ZFHX3: variants seen among roughly 807,000 people sequenced by gnomAD.
ZFHX3 encodes the protein zinc finger homeobox 3.
A neutral mutation model predicts 279.1 loss-of-function variants in ZFHX3; 42 were observed. The ratio of observed to expected loss-of-function variants is 0.15; its 90% CI spans 0.12 to 0.19. ZFHX3 has a LOEUF of 0.19. ZFHX3 is among the 10% of genes least tolerant of loss of function. The pLI is 1.00. For missense variants in ZFHX3, 4,981 were observed against 4,754.0 expected (o/e 1.05, Z -1.40); for synonymous variants, 2,293 against 1,957.8 (o/e 1.17, Z -4.52).
At chr16:73,851,397 A>C (rs776563873) in intron 1 of ZFHX3, among the ~76,000 whole-genome samples, 3 of 152,340 alleles carry the variant, frequency 2.0e-5, no homozygotes, top group African/African-American at 7.2e-5. Context: ...GACGATTGTC[A>C]TACTATTTCC....
intron 1 of ZFHX3, among the ~76,000 whole-genome samples, chr16:73,041,248 T>C (rs113598093): frequency 2.5e-4 from 38 of 152,262 alleles, no homozygotes; most frequent in African/African-American, 8.7e-4. Flanking sequence ...ATTTTTCCAC[T>C]GTCTGGACAA....
Position 73,538,843 on chromosome 16 carries a change from A to G in ZFHX3, c.-1546-82585T>C, listed in dbSNP as rs563777274. Among the ~76,000 whole-genome samples, 4 of 152,338 alleles carry G rather than the reference A, an allele frequency of 2.6e-5. No homozygotes were observed. In the South Asian group the frequency reaches 8.3e-4, roughly 32 times the overall value. ...CAGCACCATTTTCTGCCATCTTTTC[A>G]ATAAACATGTCTTGGATAGGTCAGT... On this transcript the variant is annotated intron_variant, in intron 2 of 17. Transcript: ENST00000641206.
chr16:73,151,146 A>C (rs957416322), intron 5 of ZFHX3, among the ~76,000 whole-genome samples: 21 of 152,352 alleles, frequency 1.4e-4, no homozygotes, highest in Admixed American at 5.9e-4. Flanking sequence ...ATAGAGACAG[A>C]AAATAGATGA....
chr16:73,364,169 C>T (rs2016486799), intron 3 of ZFHX3, among the ~76,000 whole-genome samples: 1 of 75,718 alleles, frequency 1.3e-5, no homozygotes. Context: ...GAGTGAGACC[C>T]TGTTTCAAAA....
intron 2 of ZFHX3, among the ~76,000 whole-genome samples, chr16:73,508,664 C>G (rs878872969): frequency 1.3e-5 from 2 of 152,162 alleles, no homozygotes; most frequent in Non-Finnish European, 2.9e-5. Flanking sequence ...AAGCCATCAT[C>G]AAAAACAGGC....
intron 1 of ZFHX3, among the ~76,000 whole-genome samples, chr16:73,765,384 G>C (rs2053920307): frequency 6.6e-6 from 1 of 152,196 alleles, no homozygotes; most frequent in Non-Finnish European, 1.5e-5. Context: ...TATGAACTTT[G>C]TGAAGCATGC....
chr16:72,889,918 G>A lies in ZFHX3; in HGVS notation c.3261C>T (p.Tyr1087=), dbSNP rs374686853. Reference sequence around the variant, plus strand: ...AGTAGTTGCACAGAACGCAGTGGTAGTAGCAGCTCTCACCTTCTACACCAC... The same window carrying A: ...AGTAGTTGCACAGAACGCAGTGGTAATAGCAGCTCTCACCTTCTACACCAC... ...HESGVEGESC[Y]YHCVLCNYST... is the part of the protein sequence containing the mutation. Residue 1087 remains tyrosine, a synonymous_variant, in exon 4 of 10, where the codon TAC becomes TAT. Coordinates refer to ENST00000268489, the MANE Select transcript of ZFHX3 (RefSeq NM_006885.4). The A allele has an allele frequency of 6.2e-7, 1 of 1,614,168 alleles. No individual in the cohort carries two copies. The highest frequency in any genetic ancestry group is 8.5e-7 in the Non-Finnish European group (1 of 1,180,046).
At chr16:73,718,296 A>G (rs1430431407) in intron 1 of ZFHX3, among the ~76,000 whole-genome samples, 1 of 152,154 alleles carries the variant, frequency 6.6e-6, no homozygotes, top group Admixed American at 6.5e-5. Context: ...CTGTAATCCC[A>G]GCTACTCGGG....
At chr16:73,359,056 A>T (rs1003953646) in intron 3 of ZFHX3, among the ~76,000 whole-genome samples, 30 of 152,338 alleles carry the variant, frequency 2.0e-4, no homozygotes, top group Non-Finnish European at 4.3e-4. Flanking sequence ...TAATTTTTGG[A>T]AATTGAGCAT....
chr16:73,016,294 C>T (rs938800637), intron 1 of ZFHX3, among the ~76,000 whole-genome samples: 3 of 152,054 alleles, frequency 2.0e-5, no homozygotes, highest in South Asian at 2.1e-4. Context: ...TTTTTAAGGT[C>T]GGAGTAACTA....
rs985983584 is a variant in ZFHX3 at position 73,134,763 on chromosome 16, A to G, written c.-1023-3669T>C. On this transcript the variant is annotated intron_variant, in intron 6 of 17. Coordinates refer to the ZFHX3 transcript ENST00000641206. ...ATTATCCTTCTCCCATCTCATCAACATCAGACTTGGCCATGTGACTTGCTT... is the reference window on the plus strand; with the variant it reads ...ATTATCCTTCTCCCATCTCATCAACGTCAGACTTGGCCATGTGACTTGCTT... 7.9e-5 allele frequency among the ~76,000 whole-genome samples: 12 copies of G among 152,136 alleles called. 1 individual carries two copies. The highest frequency in any genetic ancestry group is 2.6e-4 in the Admixed American group (4 of 15,282).
intron 1 of ZFHX3, among the ~76,000 whole-genome samples, chr16:73,756,164 C>A (rs1395468968): frequency 6.6e-6 from 1 of 152,158 alleles, no homozygotes; most frequent in Non-Finnish European, 1.5e-5. Context: ...ACCAGGTATT[C>A]CCAGGTTAAG....
At chr16:73,539,042 T>C (rs1226417912) in intron 2 of ZFHX3, among the ~76,000 whole-genome samples, 1 of 152,204 alleles carries the variant, frequency 6.6e-6, no homozygotes, top group Non-Finnish European at 1.5e-5. Context: ...GAAGATTGTA[T>C]GTAGGGGGAA....
chr16:73,257,801 T>G (rs538460005), intron 4 of ZFHX3, among the ~76,000 whole-genome samples: 1 of 152,358 alleles, frequency 6.6e-6, no homozygotes, highest in East Asian at 1.9e-4. Flanking sequence ...CCTAACAACC[T>G]TACAGGTTGG....
intron 5 of ZFHX3, among the ~76,000 whole-genome samples, chr16:73,180,453 C>G (rs1483568036): frequency 6.6e-6 from 1 of 152,172 alleles, no homozygotes; most frequent in African/African-American, 2.4e-5. Context: ...GCTACAAATA[C>G]AGAAGGGAGG....
intron 4 of ZFHX3, among the ~76,000 whole-genome samples, chr16:72,862,642 T>C (rs975983513): frequency 1.3e-5 from 2 of 152,142 alleles, no homozygotes; most frequent in African/African-American, 4.8e-5. Flanking sequence ...GAAGCAGCCA[T>C]GGAGAAAAAG....
intron 3 of ZFHX3, among the ~76,000 whole-genome samples, chr16:73,390,016 C>T (rs1184332064): frequency 2.0e-5 from 3 of 152,128 alleles, no homozygotes; most frequent in Non-Finnish European, 4.4e-5. Context: ...GCCGAGATTG[C>T]ACCACTGCAC....
intron 1 of ZFHX3, among the ~76,000 whole-genome samples, chr16:73,759,373 A>T (rs2053840938): frequency 6.6e-6 from 1 of 152,150 alleles, no homozygotes; most frequent in Non-Finnish European, 1.5e-5. Context: ...CATGACCTGG[A>T]AGTTGCACAT....
chr16:73,012,476 G>A (rs1285022395), intron 1 of ZFHX3, among the ~76,000 whole-genome samples: 7 of 152,234 alleles, frequency 4.6e-5, no homozygotes, highest in Admixed American at 2.6e-4. Context: ...TAGGTTCTGG[G>A]CAAGGATCTT....
Sources: gnomAD v4.1 joint callset for allele counts (sites outside exome capture counted in the v4.1 genomes callset) on GRCh38, gnomAD v4.1.1 for gene constraint, MANE v1.5 for transcripts, NCBI Gene and HGNC (gene_info 2026-07-23, HGNC 2026-07-21) for gene names.